The following SPON1 variants were observed in gnomAD, a reference collection of about 807,000 sequenced individuals.
The protein encoded by SPON1 is spondin 1, also known as spondin-1.
Under a neutral mutation model 111.7 loss-of-function variants are expected in SPON1, and 52 were observed. The observed-to-expected ratio is 0.47, with a 90% CI of 0.37 to 0.59. The LOEUF (loss-of-function observed/expected upper bound fraction) is 0.59. Among genes scored for constraint, SPON1 ranks in the 20% least tolerant of loss-of-function variants. The pLI is 0.00. For missense variants in SPON1, 957 were observed against 1,068.5 expected (o/e 0.90, Z 1.46); for synonymous variants, 410 against 395.8 (o/e 1.04, Z -0.43).
chr11:14,061,202 C>T (rs118051233), intron 3 of SPON1, among the ~76,000 whole-genome samples: 2,604 of 152,286 alleles, frequency 0.017, 31 homozygotes, highest in Middle Eastern at 0.034. Context: ...TTTTATCTGC[C>T]TGACTACAGA....
intron 3 of SPON1, among the ~76,000 whole-genome samples, chr11:14,067,331 A>G (rs1223662687): frequency 3.3e-5 from 5 of 152,124 alleles, no homozygotes; most frequent in African/African-American, 7.2e-5. Flanking sequence ...TTAGGCACAC[A>G]TTTAAGAGCA....
chr11:14,017,811 C>T (rs782116540), intron 2 of SPON1, among the ~76,000 whole-genome samples: 1 of 152,190 alleles, frequency 6.6e-6, no homozygotes, highest in Non-Finnish European at 1.5e-5. Flanking sequence ...GCTGGGACTA[C>T]CTAAGTGTCT....
intron 6 of SPON1, among the ~76,000 whole-genome samples, chr11:14,239,750 A>G (rs782438182): frequency 2.0e-5 from 3 of 152,240 alleles, no homozygotes; most frequent in Non-Finnish European, 2.9e-5. Flanking sequence ...ACACAGAGCT[A>G]GTAAATGGTA....
At chr11:14,039,755 T>G (rs1848619305) in intron 2 of SPON1, among the ~76,000 whole-genome samples, 1 of 152,178 alleles carries the variant, frequency 6.6e-6, no homozygotes, top group African/African-American at 2.4e-5. Context: ...TTATTTCTGC[T>G]AAATGAAGAA....
intron 6 of SPON1, among the ~76,000 whole-genome samples, chr11:14,199,259 G>A (rs1848435168): frequency 6.6e-6 from 1 of 152,110 alleles, no homozygotes; most frequent in African/African-American, 2.4e-5. Flanking sequence ...TTTGAGGGAA[G>A]TAACCATATT....
chr11:13,986,638 T>C (rs1397006477), intron 2 of SPON1, among the ~76,000 whole-genome samples: 1 of 151,980 alleles, frequency 6.6e-6, no homozygotes, highest in Non-Finnish European at 1.5e-5. Context: ...TAGGTATACA[T>C]GTGCCATGGT....
chr11:14,262,557 T>C lies in SPON1; in HGVS notation c.1997-155T>C. 11 of 991,218 alleles carry C rather than the reference T, an allele frequency of 1.1e-5. No homozygotes were observed. In the South Asian group the frequency reaches 1.8e-4, roughly 16 times the overall value. The allele number at this position is 991,218 out of a possible 1,614,324, so 61.4% of individuals were successfully genotyped here. On this transcript the variant is annotated intron_variant, in intron 14 of 15. Transcript: ENST00000576479. ...CCAACCACACGGGCTGAAGTCAGCC[T>C]GCCTCTTTGGAGCCTCAGTTTCTTC... is the stretch of plus-strand genomic sequence containing the variant.
Position 14,012,607 on chromosome 11 carries a change from T to G in SPON1, c.346-28914T>G, listed in dbSNP as rs12790713. Among the ~76,000 whole-genome samples the G allele has an allele frequency of 9.9e-3, 1,513 of 152,256 alleles. 13 individuals are homozygous for G. The highest frequency in any genetic ancestry group is 0.019 in the Admixed American group (293 of 15,298). On this transcript the variant is annotated intron_variant, in intron 2 of 15. Coordinates refer to ENST00000576479, the MANE Select transcript of SPON1 (RefSeq NM_006108.4). ...GTCCACCGATTTGGCAAAAACAGAC[T>G]CGTCTTTCAAGATTCAGCTCAAAGT...
intron 7 of SPON1, among the ~76,000 whole-genome samples, chr11:14,251,824 A>G (rs973093359): frequency 6.6e-6 from 1 of 152,194 alleles, no homozygotes; most frequent in Non-Finnish European, 1.5e-5. Flanking sequence ...ATAGACTGCA[A>G]TCCTTGTGTG....
chr11:14,035,615 T>A (rs1848588573), intron 2 of SPON1, among the ~76,000 whole-genome samples: 1 of 56,384 alleles, frequency 1.8e-5, no homozygotes. Flanking sequence ...CACTTAGTTC[T>A]TTTTTTTTTT....
chr11:14,051,210 G>T (rs925976255), intron 3 of SPON1, among the ~76,000 whole-genome samples: 1 of 152,140 alleles, frequency 6.6e-6, no homozygotes, highest in Admixed American at 6.5e-5. Flanking sequence ...AGAGGGTGAA[G>T]CCCTCAAAAA....
At chr11:14,176,626 C>G (rs1848178435) in intron 6 of SPON1, among the ~76,000 whole-genome samples, 1 of 152,166 alleles carries the variant, frequency 6.6e-6, no homozygotes. Flanking sequence ...GGGCTACAGA[C>G]AGATATCCTG....
At chr11:14,039,559 G>A (rs1237060639) in intron 2 of SPON1, among the ~76,000 whole-genome samples, 1 of 151,900 alleles carries the variant, frequency 6.6e-6, no homozygotes, top group Non-Finnish European at 1.5e-5. Flanking sequence ...AAATGAAGTT[G>A]GATCCCTACT....
At chr11:14,021,381 G>A (rs1247800205) in intron 2 of SPON1, among the ~76,000 whole-genome samples, 5 of 152,126 alleles carry the variant, frequency 3.3e-5, no homozygotes, top group Non-Finnish European at 2.9e-5. Context: ...ACAAGTCCCC[G>A]GGTAGACCTC....
chr11:14,258,815 C>T (rs1035907623), intron 11 of SPON1, among the ~76,000 whole-genome samples: 15 of 152,110 alleles, frequency 9.9e-5, no homozygotes, highest in African/African-American at 2.9e-4. Flanking sequence ...TACAAACAGG[C>T]GGGAGGAAAG....
intron 3 of SPON1, among the ~76,000 whole-genome samples, chr11:14,058,071 AAG>A (rs1285054930): frequency 6.6e-6 from 1 of 151,986 alleles, no homozygotes; most frequent in African/African-American, 2.4e-5. Flanking sequence ...GAGAGGAAAA[AAG>A]AGCTATATTG....
chr11:14,225,704 A>G (rs1848731415), intron 6 of SPON1, among the ~76,000 whole-genome samples: 1 of 152,156 alleles, frequency 6.6e-6, no homozygotes, highest in Non-Finnish European at 1.5e-5. Context: ...GATTATTGAT[A>G]CTCTCTTTTT....
intron 6 of SPON1, among the ~76,000 whole-genome samples, chr11:14,170,087 G>A (rs1554932280): frequency 6.6e-6 from 1 of 152,176 alleles, no homozygotes; most frequent in African/African-American, 2.4e-5. Context: ...AACTTGGGCA[G>A]TATGGCCATT....
chr11:13,985,919 A>G (rs1279492986), intron 2 of SPON1, among the ~76,000 whole-genome samples: 2 of 152,190 alleles, frequency 1.3e-5, no homozygotes, highest in Non-Finnish European at 2.9e-5. Context: ...GGGGGAAGGA[A>G]TCATAGCCCA....
Sources: gnomAD v4.1 joint callset for allele counts (sites outside exome capture counted in the v4.1 genomes callset) on GRCh38, gnomAD v4.1.1 for gene constraint, MANE v1.5 for transcripts, NCBI Gene and HGNC (gene_info 2026-07-23, HGNC 2026-07-21) for gene names.